CSMD2: variants seen among roughly 807,000 people sequenced by gnomAD.
CSMD2 encodes the protein CUB and Sushi multiple domains 2.
Under a neutral mutation model 398.5 loss-of-function variants are expected in CSMD2, and 130 were observed. The observed-to-expected ratio is 0.33, with a 90% confidence interval of 0.28 to 0.38. The LOEUF is 0.38. Among genes scored for constraint, CSMD2 ranks in the 10% least tolerant of loss-of-function variants. CSMD2 has a pLI of 1.00. For missense variants in CSMD2, 3,829 were observed against 4,764.9 expected, an observed-to-expected ratio of 0.80 and a Z score of 5.78; for synonymous variants, 1,828 against 1,908.5, an observed-to-expected ratio of 0.96 and a Z score of 1.10.
rs1188602973 is a variant in CSMD2, at chr1:33,945,260, CA to C, written c.518-9307del. ...GTTCAGAAAAACACAAACCCTTCTACAGTATAAGGATATCCCTTGGGATATT... is the reference window on the plus strand; with the variant it reads ...GTTCAGAAAAACACAAACCCTTCTACGTATAAGGATATCCCTTGGGATATT... On this transcript the variant is annotated intron_variant, in intron 3 of 70. Coordinates refer to ENST00000373381, the MANE Select transcript of CSMD2 (RefSeq NM_001281956.2). Among the ~76,000 whole-genome samples, 180 of 152,238 alleles carry C rather than the reference CA, an allele frequency of 1.2e-3. 1 individual carries two copies. The highest frequency in any genetic ancestry group is 2.8e-4 in the Non-Finnish European group (19 of 68,020).
intron 14 of CSMD2, among the ~76,000 whole-genome samples, chr1:33,741,002 T>G (rs1647041869): frequency 6.6e-6 from 1 of 151,244 alleles, no homozygotes; most frequent in Non-Finnish European, 1.5e-5. Flanking sequence ...ATGGAGTTTT[T>G]GTTGTGAGGC....
intron 32 of CSMD2, among the ~76,000 whole-genome samples, chr1:33,629,867 C>T (rs746311400): frequency 1.4e-3 from 214 of 152,082 alleles, no homozygotes; most frequent in Admixed American, 2.5e-3. Flanking sequence ...CTCAGCCTCC[C>T]GAGTGGCTGG....
At chr1:34,112,756 C>CA (rs1346209647) in intron 1 of CSMD2, among the ~76,000 whole-genome samples, 1 of 151,998 alleles carries the variant, frequency 6.6e-6, no homozygotes, top group Non-Finnish European at 1.5e-5. Context: ...AGATTTCTGG[C>CA]AAGAAATTCA....
chr1:33,541,709 C>T (rs771117550), intron 58 of CSMD2, among the ~76,000 whole-genome samples: 14 of 152,200 alleles, frequency 9.2e-5, no homozygotes, highest in Non-Finnish European at 2.1e-4. Flanking sequence ...TGCACCGCTG[C>T]AACTTGGGCT....
At chr1:33,545,889 A>G in intron 57 of CSMD2, 148 bp downstream of exon 57, 1 of 642,408 alleles carries the variant, frequency 1.6e-6, no homozygotes, top group Non-Finnish European at 2.7e-6. Context: ...CACATGAATT[A>G]TCTGTTGCAG....
intron 25 of CSMD2, among the ~76,000 whole-genome samples, chr1:33,676,443 C>T (rs1464122635): frequency 6.6e-6 from 1 of 152,136 alleles, no homozygotes; most frequent in Non-Finnish European, 1.5e-5. Context: ...CAAACCACTG[C>T]TCAAGGAAAT....
chr1:33,970,106 CAAA>C (rs1217263931), intron 3 of CSMD2, among the ~76,000 whole-genome samples: 3 of 98,778 alleles, frequency 3.0e-5, no homozygotes, highest in Non-Finnish European at 4.3e-5. Context: ...AACTCCATCT[CAAA>C]AAAAAAAAAA....
chr1:34,144,084 A>G (rs1308371334), intron 1 of CSMD2, among the ~76,000 whole-genome samples: 1 of 152,106 alleles, frequency 6.6e-6, no homozygotes, highest in East Asian at 1.9e-4. Flanking sequence ...CTTAGTCAAC[A>G]TCTCCTCTCA....
chr1:33,637,589 C>T (rs544376227), intron 29 of CSMD2, among the ~76,000 whole-genome samples: 2 of 152,318 alleles, frequency 1.3e-5, no homozygotes, highest in East Asian at 3.9e-4. Context: ...TTTCCTCCGT[C>T]CTCCTTGTTC....
At chr1:33,969,003 C>T (rs931110307) in intron 3 of CSMD2, among the ~76,000 whole-genome samples, 2 of 152,198 alleles carry the variant, frequency 1.3e-5, no homozygotes, top group African/African-American at 4.8e-5. Context: ...CTGGACACAT[C>T]CTGTCTGTTC....
In CSMD2 at chr1:33,521,461, A is replaced by G; in HGVS notation, c.10597+2T>C. 1 of 1,471,916 alleles carries G rather than the reference A, an allele frequency of 6.8e-7. No individual in the cohort carries two copies. 91.2% of individuals were successfully genotyped at this position (1,471,916 alleles called of 1,614,324 possible). On this transcript the variant is annotated splice_donor_variant, in intron 68 of 70. Coordinates refer to ENST00000373381, the MANE Select transcript of CSMD2 (RefSeq NM_001281956.2). LOFTEE classifies it high-confidence loss of function. ...CACTTCCGGGGGACAAGCACTAGTT[A>G]CCCAGTCTTTGAAAGCCGAACTGCC...
At position 33,918,249 on chromosome 1, in the gene CSMD2, G is replaced by A. The variant is rs752233742; in HGVS notation, c.765C>T (p.Ser255=). 1.2e-6 allele frequency: 2 copies of A among 1,614,118 alleles called. No individual in the cohort carries two copies. Among genetic ancestry groups the A allele is most frequent in the East Asian group, 2.2e-5 (1 of 44,868 alleles). Residue 255 remains serine, a synonymous_variant, in exon 5 of 71, where the codon AGC becomes AGT. Coordinates refer to ENST00000373381, the MANE Select transcript of CSMD2 (RefSeq NM_001281956.2). ...TLRGQSGIIS[S]PHFPSEYHNN... is the part of the protein sequence containing the mutation. Reference sequence around the variant, plus strand: ...TATGGTACTCCGAGGGGAAGTGGGGGCTGGAGATGATGCCACTCTGGCCCC... The same window carrying A: ...TATGGTACTCCGAGGGGAAGTGGGGACTGGAGATGATGCCACTCTGGCCCC...
intron 19 of CSMD2, among the ~76,000 whole-genome samples, chr1:33,721,021 A>T (rs1158988834): frequency 2.0e-5 from 3 of 152,110 alleles, no homozygotes; most frequent in African/African-American, 7.2e-5. Flanking sequence ...TAATTTGGGG[A>T]TCTATGCTAA....
chr1:33,883,993 C>T, intron 5 of CSMD2, among the ~76,000 whole-genome samples: 1 of 152,056 alleles, frequency 6.6e-6, no homozygotes, highest in East Asian at 1.9e-4. Context: ...ACTCTCTAGG[C>T]CAGGCAGGAA....
At chr1:33,697,365 G>A (rs1020121213) in intron 24 of CSMD2, among the ~76,000 whole-genome samples, 9 of 152,222 alleles carry the variant, frequency 5.9e-5, no homozygotes, top group African/African-American at 1.9e-4. Context: ...GAGATGGAGG[G>A]CGAAAGGGGA....
In CSMD2 at chr1:33,864,071, G is replaced by T. The variant is rs1639764943; in HGVS notation, c.921-17075C>A. ...CTGAAAAGGCTGAGCCCTGACTACA[G>T]CTCTTGCAGACAGAAAAATTCGCTG... On this transcript the variant is annotated intron_variant, in intron 5 of 70. Transcript: ENST00000373381. 5.5e-6 allele frequency: 5 copies of T among 912,176 alleles called. No homozygotes were observed. In the South Asian group the frequency reaches 8.3e-5, roughly 15 times the overall value. The allele number at this position is 912,176 out of a possible 1,614,324, so 56.5% of individuals were successfully genotyped here. A position where few individuals can be genotyped will look rare whatever the true frequency, so the allele number is the denominator to read the frequency against.
chr1:33,883,420 T>C (rs1315413794), intron 5 of CSMD2, among the ~76,000 whole-genome samples: 2 of 152,148 alleles, frequency 1.3e-5, no homozygotes, highest in Non-Finnish European at 2.9e-5. Flanking sequence ...ATGTCAATAG[T>C]AGGGCAAATT....
At chr1:33,851,356 T>C (rs891639544) in intron 5 of CSMD2, among the ~76,000 whole-genome samples, 2 of 152,178 alleles carry the variant, frequency 1.3e-5, no homozygotes, top group African/African-American at 2.4e-5. Context: ...ATCTGTTAAG[T>C]AAGCTATGTG....
At chr1:33,942,962 C>T (rs1262807803) in intron 3 of CSMD2, among the ~76,000 whole-genome samples, 5 of 152,228 alleles carry the variant, frequency 3.3e-5, no homozygotes, top group Non-Finnish European at 1.5e-5. Context: ...CTCTGATCTT[C>T]TCACTGCTGG....
Sources: gnomAD v4.1 joint callset for allele counts (sites outside exome capture counted in the v4.1 genomes callset) on GRCh38, gnomAD v4.1.1 for gene constraint, MANE v1.5 for transcripts, NCBI Gene and HGNC (gene_info 2026-07-23, HGNC 2026-07-21) for gene names.